The following PGAP1 variants were observed in gnomAD, a reference collection of about 807,000 sequenced individuals.
The protein encoded by PGAP1 is GPI inositol-deacylase.
A neutral mutation model predicts 127.0 loss-of-function variants in PGAP1; 76 were observed. The observed-to-expected ratio is 0.60, with a 90% CI of 0.50 to 0.72. The LOEUF (loss-of-function observed/expected upper bound fraction) is 0.72, where lower values mean the gene tolerates loss of function less well. Ranked by LOEUF, PGAP1 falls within the 30% of genes least tolerant of loss-of-function variation. The probability of loss-of-function intolerance (pLI) is 0.00; values close to 1 mark genes in which losing one functional copy is unlikely to be tolerated. For synonymous variants in PGAP1, 362 were observed against 366.5 expected, an observed-to-expected ratio of 0.99 and a Z score of 0.14; for missense variants, 982 against 1,071.3, an observed-to-expected ratio of 0.92 and a Z score of 1.16.
intron 5 of PGAP1, among the ~76,000 whole-genome samples, chr2:196,900,911 A>G (rs1035844147): frequency 2.0e-5 from 3 of 152,168 alleles, no homozygotes; most frequent in Non-Finnish European, 4.4e-5. Context: ...TGGGCTACAG[A>G]GCGAGACTCC....
rs374426975 is a variant in PGAP1, at chr2:196,838,410, G to A, written c.*2824C>T. On this transcript the variant is annotated 3_prime_UTR_variant, in exon 27 of 27. Coordinates refer to ENST00000354764, the MANE Select transcript of PGAP1 (RefSeq NM_024989.4). Reference sequence around the variant, plus strand: ...ATGATGAAAACTGTGTAATTTAAAGGCAAAGAACTTTCCTTTTCTCAAGTG... The same window carrying A: ...ATGATGAAAACTGTGTAATTTAAAGACAAAGAACTTTCCTTTTCTCAAGTG... 3 of 152,234 alleles carry A rather than the reference G, an allele frequency of 2.0e-5. No individual in the cohort carries two copies. Among genetic ancestry groups the A allele is most frequent in the African/African-American group, 7.2e-5 (3 of 41,530 alleles). The allele number at this position is 152,234 out of a possible 1,614,324, so 9.4% of individuals were successfully genotyped here. A position where few individuals can be genotyped will look rare whatever the true frequency, so the allele number is the denominator to read the frequency against.
At chr2:196,850,859 T>C (rs988539350) in intron 20 of PGAP1, among the ~76,000 whole-genome samples, 1 of 152,008 alleles carries the variant, frequency 6.6e-6, no homozygotes, top group Non-Finnish European at 1.5e-5. Context: ...GAACGATTCT[T>C]GCAGCAGCAG....
At chr2:196,894,646 C>A (rs922922006) in intron 7 of PGAP1, among the ~76,000 whole-genome samples, 28 of 151,954 alleles carry the variant, frequency 1.8e-4, no homozygotes, top group African/African-American at 6.8e-4. Flanking sequence ...ACTAAAAATA[C>A]AAAAAATTAG....
chr2:196,925,840 CA>C (rs1268535787), intron 1 of PGAP1, among the ~76,000 whole-genome samples: 1 of 152,136 alleles, frequency 6.6e-6, no homozygotes, highest in African/African-American at 2.4e-5. Flanking sequence ...AGAGGATCTG[CA>C]ACATCTTTCC....
chr2:196,858,157 T>G, intron 20 of PGAP1, among the ~76,000 whole-genome samples: 1 of 152,156 alleles, frequency 6.6e-6, no homozygotes, highest in East Asian at 1.9e-4. Flanking sequence ...ATCCCAGCAC[T>G]TTGGGAGGCC....
At chr2:196,882,448 C>T (rs1381757943) in intron 12 of PGAP1, among the ~76,000 whole-genome samples, 2 of 152,166 alleles carry the variant, frequency 1.3e-5, no homozygotes, top group Admixed American at 6.5e-5. Flanking sequence ...GACAGTATGG[C>T]CATTTTAATG....
intron 4 of PGAP1, among the ~76,000 whole-genome samples, chr2:196,911,606 T>TAAAAAAA (rs56107551): frequency 2.2e-4 from 17 of 77,286 alleles, no homozygotes; most frequent in East Asian, 4.0e-4. Flanking sequence ...TAGAGTATAA[T>TAAAAAAA]AAAAAAAAAA....
rs545817189 is a variant in PGAP1 at position 196,879,013 on chromosome 2, T to C, written c.1350+1063A>G. Among the ~76,000 whole-genome samples the C allele has an allele frequency of 2.0e-5, 3 of 152,304 alleles. No homozygotes were observed. The South Asian group carries it at 6.2e-4, about 32-fold the overall frequency. On this transcript the variant is annotated intron_variant, in intron 13 of 26. Transcript: ENST00000354764. ...CTGTATTGACAGCATGGCTCTACAA[T>C]GTTCATTCTTCCTATAAAAATCCTA...
chr2:196,892,207 T>C (rs780347808), intron 9 of PGAP1, 139 bp downstream of exon 9: 16 of 529,026 alleles, frequency 3.0e-5, no homozygotes, highest in East Asian at 9.8e-5. Flanking sequence ...ACTGACTAGA[T>C]ACTTATTAAG....
chr2:196,883,579 G>C (rs1354320645), intron 12 of PGAP1, among the ~76,000 whole-genome samples: 1 of 152,104 alleles, frequency 6.6e-6, no homozygotes, highest in Non-Finnish European at 1.5e-5. Flanking sequence ...CCACTCTAAT[G>C]GCTTTTAAGT....
intron 1 of PGAP1, among the ~76,000 whole-genome samples, chr2:196,923,496 T>C (rs1703273942): frequency 6.6e-6 from 1 of 152,184 alleles, no homozygotes; most frequent in Non-Finnish European, 1.5e-5. Context: ...TTTCCCCCAT[T>C]GTATTTATCA....
chr2:196,902,871 T>TTATAGGGAA, intron 4 of PGAP1, 129 bp from the exon 5 acceptor site: 1 of 571,212 alleles, frequency 1.8e-6, no homozygotes, highest in Non-Finnish European at 2.9e-6. Flanking sequence ...ACAGTTGAGT[T>TTATAGGGAA]ATTCACATTT....
chr2:196,903,928 G>C (rs546573941), intron 4 of PGAP1, among the ~76,000 whole-genome samples: 1 of 152,068 alleles, frequency 6.6e-6, no homozygotes, highest in South Asian at 2.1e-4. Context: ...TCAAACACTG[G>C]GTACAGCAAG....
chr2:196,894,442 C>T (rs1349574128), intron 7 of PGAP1, among the ~76,000 whole-genome samples: 1 of 152,140 alleles, frequency 6.6e-6, no homozygotes, highest in East Asian at 1.9e-4. Flanking sequence ...CAGTCTTATA[C>T]TAAATTTGTT....
chr2:196,870,425 T>C (rs1041287289), intron 19 of PGAP1, among the ~76,000 whole-genome samples: 1 of 151,824 alleles, frequency 6.6e-6, no homozygotes, highest in African/African-American at 2.4e-5. Flanking sequence ...GCCTCTTGAG[T>C]AGCCAGGACT....
chr2:196,921,241 C>G (rs867423626), intron 1 of PGAP1, among the ~76,000 whole-genome samples: 1 of 150,684 alleles, frequency 6.6e-6, no homozygotes, highest in African/African-American at 2.4e-5. Context: ...ATCATTTGTG[C>G]ACCTTCCTAA....
chr2:196,893,370 A>C, intron 7 of PGAP1, 125 bp from the exon 8 acceptor site: 1 of 482,456 alleles, frequency 2.1e-6, no homozygotes, highest in South Asian at 3.2e-5. Flanking sequence ...TGTTCTGAGC[A>C]CTGTACATAA....
intron 20 of PGAP1, among the ~76,000 whole-genome samples, chr2:196,855,065 G>A (rs1222710275): frequency 1.3e-5 from 2 of 151,288 alleles, no homozygotes; most frequent in Non-Finnish European, 2.9e-5. Flanking sequence ...GCTCACGCCT[G>A]TAATCCTAGC....
chr2:196,895,141 T>C (rs1417559944), intron 7 of PGAP1, among the ~76,000 whole-genome samples: 1 of 152,216 alleles, frequency 6.6e-6, no homozygotes, highest in African/African-American at 2.4e-5. Context: ...AACAGTATTT[T>C]TGATTCTTAG....
Sources: allele counts gnomAD v4.1 joint callset (sites outside exome capture counted in the v4.1 genomes callset), GRCh38; gene constraint gnomAD v4.1.1; transcripts MANE v1.5; gene names NCBI Gene and HGNC (gene_info 2026-07-23, HGNC 2026-07-21).